ADGRB3: variants seen among roughly 807,000 people sequenced by gnomAD.
ADGRB3 encodes adhesion G protein-coupled receptor B3.
A neutral mutation model predicts 193.4 loss-of-function variants in ADGRB3; 37 were observed. The ratio of observed to expected loss-of-function variants is 0.19; its 90% CI spans 0.15 to 0.25. The LOEUF is 0.25. ADGRB3 is among the 10% of genes least tolerant of loss of function. The pLI is 1.00. For missense variants in ADGRB3, 1,637 were observed against 1,852.9 expected, an observed-to-expected ratio of 0.88 and a Z score of 2.14; for synonymous variants, 690 against 644.2, an observed-to-expected ratio of 1.07 and a Z score of -1.08.
At chr6:68,880,564 G>C (rs1430792440) in intron 3 of ADGRB3, among the ~76,000 whole-genome samples, 2 of 152,080 alleles carry the variant, frequency 1.3e-5, no homozygotes, top group African/African-American at 4.8e-5. Flanking sequence ...TGAATCCTGA[G>C]GGACTCCTGA....
At chr6:68,643,438 C>CTTTT (rs765489730) in intron 3 of ADGRB3, among the ~76,000 whole-genome samples, 3,444 of 64,818 alleles carry the variant, frequency 0.053, 431 homozygotes, top group African/African-American at 0.099. Flanking sequence ...CTTCATCTTC[C>CTTTT]TTTTTTTTTT....
intron 31 of ADGRB3, among the ~76,000 whole-genome samples, chr6:69,386,891 T>C (rs919870097): frequency 1.3e-5 from 2 of 152,136 alleles, no homozygotes; most frequent in African/African-American, 4.8e-5. Context: ...ATGATAGATA[T>C]AAATATTAAC....
chr6:69,331,326 T>A (rs926513618), intron 23 of ADGRB3, among the ~76,000 whole-genome samples: 1 of 152,208 alleles, frequency 6.6e-6, no homozygotes, highest in Non-Finnish European at 1.5e-5. Context: ...TTTGGATTTA[T>A]TGATTACAAG....
At chr6:69,000,343 T>G (rs1420153081) in intron 11 of ADGRB3, among the ~76,000 whole-genome samples, 1 of 152,220 alleles carries the variant, frequency 6.6e-6, no homozygotes, top group African/African-American at 2.4e-5. Context: ...GGTCACAACA[T>G]TTTCATCAAC....
chr6:68,901,659 G>A (rs1278316247), intron 3 of ADGRB3, among the ~76,000 whole-genome samples: 2 of 151,972 alleles, frequency 1.3e-5, no homozygotes, highest in Non-Finnish European at 2.9e-5. Flanking sequence ...ATGAGAAACA[G>A]TAAGGAAAAA....
intron 3 of ADGRB3, among the ~76,000 whole-genome samples, chr6:68,907,328 G>T (rs1325949905): frequency 6.6e-6 from 1 of 151,646 alleles, no homozygotes; most frequent in African/African-American, 2.4e-5. Context: ...TAACTTTATT[G>T]TCTACACATT....
intron 17 of ADGRB3, among the ~76,000 whole-genome samples, chr6:69,203,607 C>T (rs931589158): frequency 3.7e-4 from 57 of 152,128 alleles, no homozygotes; most frequent in Non-Finnish European, 1.3e-4. Context: ...ACGTGACCCT[C>T]AAGATTCTTT....
chr6:69,308,192 G>A (rs967530616), intron 20 of ADGRB3, among the ~76,000 whole-genome samples: 2 of 151,566 alleles, frequency 1.3e-5, no homozygotes, highest in Middle Eastern at 3.4e-3. Context: ...TCCTGGCTCT[G>A]CCTCTACAGA....
chr6:69,032,692 A>G (rs1304353252), intron 13 of ADGRB3, among the ~76,000 whole-genome samples: 1 of 152,196 alleles, frequency 6.6e-6, no homozygotes, highest in Non-Finnish European at 1.5e-5. Flanking sequence ...TGAATTCCAA[A>G]TAAATAAGTA....
At chr6:68,962,039 G>A (rs1040311198) in intron 8 of ADGRB3, among the ~76,000 whole-genome samples, 2 of 152,122 alleles carry the variant, frequency 1.3e-5, no homozygotes, top group African/African-American at 4.8e-5. Context: ...GTCCATACCA[G>A]TTGTTAACCT....
At chr6:68,863,343 G>A (rs879012605) in intron 3 of ADGRB3, among the ~76,000 whole-genome samples, 3 of 151,974 alleles carry the variant, frequency 2.0e-5, no homozygotes, top group South Asian at 4.2e-4. Context: ...GGACCATAGT[G>A]TTTCTCATCA....
intron 3 of ADGRB3, among the ~76,000 whole-genome samples, chr6:68,827,364 A>T (rs1208915971): frequency 1.3e-5 from 2 of 152,122 alleles, no homozygotes; most frequent in African/African-American, 4.8e-5. Flanking sequence ...GGAAGAAAGG[A>T]AGTGATTTTT....
chr6:68,653,781 T>A (rs1284695680), intron 3 of ADGRB3, among the ~76,000 whole-genome samples: 1 of 152,026 alleles, frequency 6.6e-6, no homozygotes, highest in Non-Finnish European at 1.5e-5. Flanking sequence ...GTGGTTTTGC[T>A]GAAAGGTAAG....
intron 3 of ADGRB3, among the ~76,000 whole-genome samples, chr6:68,922,623 T>G (rs150968478): frequency 1.3e-5 from 2 of 152,292 alleles, no homozygotes; most frequent in African/African-American, 4.8e-5. Flanking sequence ...GAAAAAAATG[T>G]AATTTTAGAG....
chr6:68,821,082 A>G (rs145123267), intron 3 of ADGRB3, among the ~76,000 whole-genome samples: 67 of 152,084 alleles, frequency 4.4e-4, no homozygotes, highest in African/African-American at 1.4e-3. Context: ...TAAAAATGAA[A>G]CTTCAGAAAA....
chr6:69,344,328 A>G (rs1769039518), intron 26 of ADGRB3, among the ~76,000 whole-genome samples: 1 of 152,138 alleles, frequency 6.6e-6, no homozygotes, highest in Non-Finnish European at 1.5e-5. Flanking sequence ...CTGTATCCAA[A>G]CCTGTGAAGT....
chr6:69,307,570 T>C (rs769024970), intron 20 of ADGRB3, among the ~76,000 whole-genome samples: 1 of 151,690 alleles, frequency 6.6e-6, no homozygotes, highest in Non-Finnish European at 1.5e-5. Context: ...AATTCTGGGC[T>C]TGACCAGGTC....
At chr6:69,382,302 TTTTACA>T in intron 30 of ADGRB3, among the ~76,000 whole-genome samples, 1 of 151,992 alleles carries the variant, frequency 6.6e-6, no homozygotes, top group Non-Finnish European at 1.5e-5. Context: ...AAATGCAAGG[TTTTACA>T]TCCCACATAT....
intron 31 of ADGRB3, among the ~76,000 whole-genome samples, chr6:69,388,110 C>A (rs368583297): frequency 1.3e-5 from 2 of 151,492 alleles, no homozygotes; most frequent in Non-Finnish European, 2.9e-5. Flanking sequence ...AATTTTATCT[C>A]ATAATTATTA....
Sources: gnomAD v4.1 joint callset for allele counts (sites outside exome capture counted in the v4.1 genomes callset) on GRCh38, gnomAD v4.1.1 for gene constraint, MANE v1.5 for transcripts, NCBI Gene and HGNC (gene_info 2026-07-23, HGNC 2026-07-21) for gene names.